The following FOXP2 variants were observed in gnomAD, a reference collection of about 807,000 sequenced individuals.
FOXP2 encodes the protein forkhead box P2, also known as forkhead box protein P2.
In FOXP2, 12 loss-of-function variants were observed where a neutral mutation model predicts 115.8. The observed-to-expected ratio is 0.10, with a 90% confidence interval of 0.07 to 0.17. The LOEUF is 0.17. FOXP2 is among the 10% of genes least tolerant of loss of function. FOXP2 has a pLI of 1.00. For missense variants in FOXP2, 629 were observed against 843.5 expected, an observed-to-expected ratio of 0.75 and a Z score of 3.15; for synonymous variants, 328 against 297.7, an observed-to-expected ratio of 1.10 and a Z score of -1.05.
chr7:114,102,278 A>C (rs554155991), intron 1 of FOXP2, among the ~76,000 whole-genome samples: 1 of 152,070 alleles, frequency 6.6e-6, no homozygotes, highest in South Asian at 2.1e-4. Flanking sequence ...TTAGTAATTC[A>C]TAATTTCAAT....
intron 2 of FOXP2, among the ~76,000 whole-genome samples, chr7:114,459,364 G>A (rs957431499): frequency 5.9e-5 from 9 of 152,136 alleles, no homozygotes; most frequent in East Asian, 3.9e-4. Flanking sequence ...AACCCCTGAC[G>A]ATGGTATGCT....
At chr7:114,323,848 T>C (rs1306857066) in intron 2 of FOXP2, among the ~76,000 whole-genome samples, 1 of 152,010 alleles carries the variant, frequency 6.6e-6, no homozygotes, top group African/African-American at 2.4e-5. Context: ...ACAGCTATTA[T>C]AACTAAAATG....
At chr7:114,385,438 A>G (rs527918389) in intron 2 of FOXP2, among the ~76,000 whole-genome samples, 6 of 152,188 alleles carry the variant, frequency 3.9e-5, no homozygotes, top group Non-Finnish European at 7.3e-5. Context: ...TGAGTAGAGA[A>G]TTCTGGCTGT....
chr7:114,313,034 C>A (rs1322162334), intron 2 of FOXP2, among the ~76,000 whole-genome samples: 1 of 152,146 alleles, frequency 6.6e-6, no homozygotes, highest in African/African-American at 2.4e-5. Flanking sequence ...TATAACCTAC[C>A]ATTTTTGTGA....
intron 8 of FOXP2, among the ~76,000 whole-genome samples, chr7:114,647,383 G>A (rs181512351): frequency 6.6e-6 from 1 of 150,798 alleles, no homozygotes; most frequent in Admixed American, 6.6e-5. Context: ...ATATATTTAT[G>A]TATCGTATAT....
chr7:114,322,503 T>TA (rs957637948), intron 2 of FOXP2, among the ~76,000 whole-genome samples: 4 of 151,964 alleles, frequency 2.6e-5, no homozygotes, highest in African/African-American at 9.7e-5. Context: ...AACAAATACT[T>TA]ACATTTAATT....
chr7:114,607,624 T>A (rs1584946369), intron 3 of FOXP2, among the ~76,000 whole-genome samples: 1 of 152,054 alleles, frequency 6.6e-6, no homozygotes, highest in African/African-American at 2.4e-5. Flanking sequence ...AGGGGAGAAA[T>A]TTGTATTCTC....
At chr7:114,373,163 T>TTTTG (rs1048560386) in intron 2 of FOXP2, among the ~76,000 whole-genome samples, 10 of 152,090 alleles carry the variant, frequency 6.6e-5, no homozygotes, top group South Asian at 2.1e-4. Context: ...AGGCTAATTT[T>TTTTG]TTTGTTTGTT....
At chr7:114,514,292 G>T (rs1798220806) in intron 2 of FOXP2, among the ~76,000 whole-genome samples, 1 of 151,788 alleles carries the variant, frequency 6.6e-6, no homozygotes. Flanking sequence ...TACTTCCTTA[G>T]CTATTGTCTA....
chr7:114,482,610 C>A (rs1255556634), intron 2 of FOXP2, among the ~76,000 whole-genome samples: 1 of 151,458 alleles, frequency 6.6e-6, no homozygotes, highest in African/African-American at 2.4e-5. Flanking sequence ...AATTTTACTG[C>A]TTTTTTGGTT....
At chr7:114,402,366 A>G (rs998331037) in intron 2 of FOXP2, among the ~76,000 whole-genome samples, 1 of 152,168 alleles carries the variant, frequency 6.6e-6, no homozygotes, top group Admixed American at 6.5e-5. Flanking sequence ...CACTGTCAAG[A>G]TGCTTTCAAG....
At chr7:114,382,887 G>C (rs573740461) in intron 2 of FOXP2, among the ~76,000 whole-genome samples, 1 of 152,240 alleles carries the variant, frequency 6.6e-6, no homozygotes, top group Non-Finnish European at 1.5e-5. Flanking sequence ...GGACATCATT[G>C]AATAATTCAT....
intron 1 of FOXP2, among the ~76,000 whole-genome samples, chr7:114,224,369 A>T (rs1443681265): frequency 6.6e-6 from 1 of 152,146 alleles, no homozygotes; most frequent in Non-Finnish European, 1.5e-5. Context: ...ATCCTGAGTG[A>T]TATTGAGTCT....
intron 1 of FOXP2, among the ~76,000 whole-genome samples, chr7:114,208,044 A>G (rs924924823): frequency 2.6e-5 from 4 of 152,184 alleles, no homozygotes; most frequent in Non-Finnish European, 5.9e-5. Context: ...GAAGAGGGCC[A>G]CTGTCCTCCA....
chr7:114,204,898 C>A (rs537939751), intron 1 of FOXP2, among the ~76,000 whole-genome samples: 88 of 137,696 alleles, frequency 6.4e-4, no homozygotes, highest in Admixed American at 1.2e-3. Context: ...TAAGAGTTGG[C>A]TGTTGGTTGT....
At chr7:114,586,800 A>C (rs1185848446) in intron 3 of FOXP2, among the ~76,000 whole-genome samples, 2 of 152,054 alleles carry the variant, frequency 1.3e-5, no homozygotes, top group African/African-American at 4.8e-5. Flanking sequence ...TCAAGATTCC[A>C]AACAGTAGGT....
At chr7:114,508,342 C>A (rs544253361) in intron 2 of FOXP2, among the ~76,000 whole-genome samples, 2 of 152,136 alleles carry the variant, frequency 1.3e-5, no homozygotes, top group Admixed American at 1.3e-4. Context: ...TAGAGTGATT[C>A]ATTCATTTAG....
chr7:114,658,088 C>A lies in FOXP2; in HGVS notation c.1289C>A (p.Thr430Asn), dbSNP rs149805525. The A allele has an allele frequency of 1.9e-6, 3 of 1,613,820 alleles. No individual in the cohort carries two copies. Among genetic ancestry groups the A allele is most frequent in the South Asian group, 1.1e-5 (1 of 91,088 alleles). The change falls in exon 11 of 17, where the codon ACC becomes AAC. Residue 430 changes from threonine to asparagine, a missense_variant. By Grantham distance (65) the Thr-to-Asn change is moderately conservative. This residue lies in a region of FOXP2 where 101 missense variants were observed against 116.0 expected (regional missense o/e 0.87). Transcript: ENST00000350908. ...PKPLNLVSSV[T>N]MSKNMLETSP... ...CAGCTAAATCTGGTGTCTAGTGTCA[C>A]CATGTCGAAGAATATGTTGGAGACA...
intron 1 of FOXP2, among the ~76,000 whole-genome samples, chr7:114,185,587 G>A (rs1272951849): frequency 6.6e-6 from 1 of 152,086 alleles, no homozygotes; most frequent in Non-Finnish European, 1.5e-5. Context: ...AAATGTCCAT[G>A]TTCAGAAATT....
Sources: gnomAD v4.1 joint callset for allele counts (sites outside exome capture counted in the v4.1 genomes callset) on GRCh38, gnomAD v4.1.1 for gene constraint, gnomAD v4.1.1 regional missense constraint, MANE v1.5 for transcripts, NCBI Gene and HGNC (gene_info 2026-07-23, HGNC 2026-07-21) for gene names.